The following ABCB1 variants were observed in gnomAD, a reference collection of about 807,000 sequenced individuals.
ABCB1 encodes ATP-dependent translocase ABCB1.
ABCB1 carries 69 observed loss-of-function variants against 142.0 expected under a neutral mutation model. The ratio of observed to expected loss-of-function variants is 0.49; its 90% CI spans 0.40 to 0.59. The LOEUF (loss-of-function observed/expected upper bound fraction) is 0.59. Ranked by LOEUF, ABCB1 falls within the 20% of genes least tolerant of loss-of-function variation. The pLI is 0.00. For missense variants in ABCB1, 1,326 were observed against 1,554.7 expected (o/e 0.85, Z 2.47); for synonymous variants, 532 against 539.2 (o/e 0.99, Z 0.18).
intron 4 of ABCB1, among the ~76,000 whole-genome samples, chr7:87,570,757 T>C (rs184224512): frequency 1.3e-5 from 2 of 152,232 alleles, no homozygotes; most frequent in East Asian, 1.9e-4. Context: ...ACTTTACCCC[T>C]AACACACAGA....
At chr7:87,539,223 T>A in intron 19 of ABCB1, 45 bp downstream of exon 19, 1 of 1,566,510 alleles carries the variant, frequency 6.4e-7, no homozygotes, top group Non-Finnish European at 8.8e-7. Flanking sequence ...GGGGCACACA[T>A]GGGGAGTTCT....
At chr7:87,505,788 T>C (rs1240566601) in intron 27 of ABCB1, 109 bp downstream of exon 27, 3 of 1,315,224 alleles carry the variant, frequency 2.3e-6, no homozygotes, top group Non-Finnish European at 3.3e-6. Context: ...TGAAAGGTGA[T>C]GTAAGTAACT....
chr7:87,552,173 T>G (rs1817102102), intron 9 of ABCB1, among the ~76,000 whole-genome samples: 2 of 152,242 alleles, frequency 1.3e-5, no homozygotes, highest in Admixed American at 1.3e-4. Context: ...GGCCTTTTGT[T>G]TTTTTGTTTT....
At chr7:87,595,945 A>C (rs1584911395) in intron 2 of ABCB1, 131 bp from the exon 3 acceptor site, 7 of 710,662 alleles carry the variant, frequency 9.8e-6, no homozygotes, top group East Asian at 2.7e-5. Flanking sequence ...CAGTTAAAAA[A>C]CAGGATGATA....
chr7:87,506,552 C>T (rs573289335), intron 26 of ABCB1, among the ~76,000 whole-genome samples: 4,905 of 152,210 alleles, frequency 0.032, 237 homozygotes, highest in African/African-American at 0.11. Flanking sequence ...TGGATGCTAT[C>T]AAAATGGATT....
intron 8 of ABCB1, among the ~76,000 whole-genome samples, chr7:87,559,497 A>G (rs1417367046): frequency 6.6e-6 from 1 of 152,082 alleles, no homozygotes; most frequent in Admixed American, 6.5e-5. Flanking sequence ...GAATTAGTTT[A>G]TGGATATGTC....
chr7:87,539,216 G>A, intron 19 of ABCB1, 52 bp downstream of exon 19: 2 of 1,554,690 alleles, frequency 1.3e-6, no homozygotes, highest in Non-Finnish European at 1.8e-6. Flanking sequence ...AGTCCAAGGG[G>A]CACACATGGG....
chr7:87,622,634 T>A (rs1416342987), intron 1 of ABCB1, among the ~76,000 whole-genome samples: 1 of 152,216 alleles, frequency 6.6e-6, no homozygotes, highest in Non-Finnish European at 1.5e-5. Flanking sequence ...GTGTGTAAAA[T>A]CCTTCTTGAT....
chr7:87,641,091 G>A (rs1018311328), intron 1 of ABCB1, among the ~76,000 whole-genome samples: 3 of 151,998 alleles, frequency 2.0e-5, no homozygotes, highest in African/African-American at 7.3e-5. Context: ...CATCTAGAAT[G>A]TTATTGAATG....
chr7:87,710,597 A>G, intron 1 of ABCB1: 1 of 1,600,828 alleles, frequency 6.2e-7, no homozygotes, highest in Non-Finnish European at 8.5e-7. Context: ...AGTAGCACTC[A>G]TGGAAAAACA....
intron 1 of ABCB1, among the ~76,000 whole-genome samples, chr7:87,669,354 G>A (rs1036755021): frequency 1.3e-5 from 2 of 151,566 alleles, no homozygotes; most frequent in African/African-American, 4.9e-5. Flanking sequence ...TCTTTATTTT[G>A]AGCCTATGAG....
intron 20 of ABCB1, 160 bp from the exon 21 acceptor site, chr7:87,531,657 T>A: frequency 1.5e-6 from 1 of 664,876 alleles, no homozygotes; most frequent in African/African-American, 1.8e-5. Flanking sequence ...GTTTCTACAG[T>A]AAGAATTTCC....
intron 14 of ABCB1, among the ~76,000 whole-genome samples, chr7:87,547,867 A>AC (rs1816854910): frequency 6.7e-6 from 1 of 149,014 alleles, no homozygotes; most frequent in African/African-American, 2.5e-5. Flanking sequence ...AAAAAAAAAA[A>AC]AAAAACCTTG....
chr7:87,548,162 G>GGGAAGGGAAGGGA (rs1816879138), intron 14 of ABCB1, among the ~76,000 whole-genome samples: 2 of 41,154 alleles, frequency 4.9e-5, no homozygotes, highest in Non-Finnish European at 9.3e-5. Context: ...AAGGGAAGGG[G>GGGAAGGGAAGGGA]AGGGAAAGGA....
rs371203919 is a variant in ABCB1 at position 87,520,887 on chromosome 7, C to A, written c.2686-11G>T. The A allele has an allele frequency of 3.7e-6, 6 of 1,603,970 alleles. No homozygotes were observed. In the African/African-American group the frequency reaches 5.4e-5, roughly 14 times the overall value. On this transcript the variant is annotated splice_polypyrimidine_tract_variant and intron_variant, in intron 21 of 27. Coordinates refer to ENST00000622132, the MANE Select transcript of ABCB1 (RefSeq NM_001348946.2). ...TGCTTCAGTAGCGATCTGTAACAGA[C>A]AGCACCGATCACCAAGAGGCACAAG...
chr7:87,680,339 C>T (rs1826803893), intron 1 of ABCB1, among the ~76,000 whole-genome samples: 1 of 150,554 alleles, frequency 6.6e-6, no homozygotes, highest in Non-Finnish European at 1.5e-5. Flanking sequence ...GAGGGATTCT[C>T]GAGGAAAATT....
chr7:87,532,326 G>A (rs1816091554), intron 20 of ABCB1, among the ~76,000 whole-genome samples: 1 of 151,998 alleles, frequency 6.6e-6, no homozygotes, highest in Admixed American at 6.6e-5. Context: ...AGATCTACTG[G>A]GCTACATTCC....
intron 8 of ABCB1, among the ~76,000 whole-genome samples, chr7:87,559,226 A>G (rs1016825321): frequency 3.9e-5 from 6 of 152,136 alleles, no homozygotes; most frequent in African/African-American, 1.4e-4. Flanking sequence ...TGTGGGAGAG[A>G]AGCAGTGGAA....
At chr7:87,640,004 T>G (rs1326198345) in intron 1 of ABCB1, among the ~76,000 whole-genome samples, 2 of 151,032 alleles carry the variant, frequency 1.3e-5, no homozygotes, top group South Asian at 4.1e-4. Flanking sequence ...ATGATTCCAG[T>G]TTTTTACTTT....
Sources: allele counts gnomAD v4.1 joint callset (sites outside exome capture counted in the v4.1 genomes callset), GRCh38; gene constraint gnomAD v4.1.1; transcripts MANE v1.5; gene names NCBI Gene and HGNC (gene_info 2026-07-23, HGNC 2026-07-21).